The following TNFSF4 variants were observed in gnomAD, a reference collection of about 807,000 sequenced individuals.
TNFSF4 encodes the protein tumor necrosis factor ligand superfamily member 4.
Under a neutral mutation model 7.3 loss-of-function variants are expected in TNFSF4, and 4 were observed. That is an observed-to-expected ratio of 0.55 (90% CI 0.27 to 1.25). The LOEUF (loss-of-function observed/expected upper bound fraction) is 1.25, where lower values mean the gene tolerates loss of function less well. Ranked by LOEUF, TNFSF4 falls within the 50% of genes most tolerant of loss-of-function variation. The pLI, the probability that TNFSF4 is intolerant of heterozygous loss-of-function variation, is 0.12. For missense variants in TNFSF4, 181 were observed against 208.8 expected (o/e 0.87, Z 0.82); for synonymous variants, 76 against 83.7 (o/e 0.91, Z 0.50).
At chr1:173,180,011 C>T (rs1273799093), downstream of TNFSF4, among the ~76,000 whole-genome samples, 1 of 152,128 alleles carries the variant, frequency 6.6e-6, no homozygotes, top group Non-Finnish European at 1.5e-5. Flanking sequence ...AGAGACCTTG[C>T]CTCTTTCCAA....
intron 1 of TNFSF4, among the ~76,000 whole-genome samples, chr1:173,198,427 C>T (rs1378074915): frequency 6.6e-6 from 1 of 152,188 alleles, no homozygotes; most frequent in East Asian, 1.9e-4. Context: ...AGATCACTTT[C>T]AACACAATAG....
chr1:173,252,274 T>A, the TNFSF4 span, among the ~76,000 whole-genome samples: 2 of 152,132 alleles, frequency 1.3e-5, no homozygotes, highest in Admixed American at 1.3e-4. Flanking sequence ...AGAAAGTCTA[T>A]CTTACAAGGT....
the TNFSF4 span, among the ~76,000 whole-genome samples, chr1:173,396,279 G>A: frequency 8.5e-5 from 13 of 152,236 alleles, 1 homozygote; most frequent in Admixed American, 3.9e-4. Flanking sequence ...GGAGGCCGAT[G>A]TAGAAGGATC....
At chr1:173,258,847 C>T in the TNFSF4 span, among the ~76,000 whole-genome samples, 2 of 152,114 alleles carry the variant, frequency 1.3e-5, no homozygotes, top group East Asian at 1.9e-4. Flanking sequence ...GAGGACAGAA[C>T]TCTGACCTCC....
At chr1:173,203,890 C>T (rs1240969242) in intron 1 of TNFSF4, among the ~76,000 whole-genome samples, 1 of 152,162 alleles carries the variant, frequency 6.6e-6, no homozygotes, top group Non-Finnish European at 1.5e-5. Flanking sequence ...CCAGGTAAGA[C>T]TGGAAGCCTG....
At chr1:173,267,193 C>A in the TNFSF4 span, among the ~76,000 whole-genome samples, 2 of 152,140 alleles carry the variant, frequency 1.3e-5, no homozygotes, top group African/African-American at 4.8e-5. Flanking sequence ...TTGGGCTTAA[C>A]CTCCTTTAGC....
the TNFSF4 span, among the ~76,000 whole-genome samples, chr1:173,365,709 T>A: frequency 6.6e-6 from 1 of 152,218 alleles, no homozygotes; most frequent in Admixed American, 6.5e-5. Context: ...AATTTAATCA[T>A]CAAACAAGCT....
At chr1:173,255,531 A>G in the TNFSF4 span, among the ~76,000 whole-genome samples, 1 of 152,348 alleles carries the variant, frequency 6.6e-6, no homozygotes, top group Non-Finnish European at 1.5e-5. Flanking sequence ...AACAATCGTT[A>G]TAATGTGGGT....
chr1:173,173,952 C>A, the TNFSF4 span, among the ~76,000 whole-genome samples: 1 of 152,220 alleles, frequency 6.6e-6, no homozygotes, highest in African/African-American at 2.4e-5. Flanking sequence ...ATTCCTGCAG[C>A]CAGCTTGAAT....
chr1:173,265,508 A>C, the TNFSF4 span, among the ~76,000 whole-genome samples: 1 of 152,232 alleles, frequency 6.6e-6, no homozygotes, highest in Non-Finnish European at 1.5e-5. Context: ...TAAAACAGCA[A>C]ATGGAGAGCC....
the TNFSF4 span, among the ~76,000 whole-genome samples, chr1:173,423,358 T>G: frequency 6.6e-6 from 1 of 152,186 alleles, no homozygotes; most frequent in African/African-American, 2.4e-5. Flanking sequence ...TTCCACCTCT[T>G]TAATTAAAAC....
chr1:173,369,092 G>A, the TNFSF4 span, among the ~76,000 whole-genome samples: 1 of 152,116 alleles, frequency 6.6e-6, no homozygotes, highest in Admixed American at 6.5e-5. Context: ...TAGGATATGG[G>A]GAGCCTCAGA....
the TNFSF4 span, among the ~76,000 whole-genome samples, chr1:173,401,846 A>T: frequency 6.6e-6 from 1 of 152,222 alleles, no homozygotes; most frequent in Admixed American, 6.5e-5. Context: ...AAGGCTTGTC[A>T]TTAATAACAA....
chr1:173,328,961 T>C, the TNFSF4 span, among the ~76,000 whole-genome samples: 3 of 152,244 alleles, frequency 2.0e-5, no homozygotes, highest in African/African-American at 4.8e-5. Flanking sequence ...GAAATACTAT[T>C]GAAAATTGCC....
At chr1:173,254,294 C>T in the TNFSF4 span, among the ~76,000 whole-genome samples, 1,357 of 152,192 alleles carry the variant, frequency 8.9e-3, 9 homozygotes, top group Middle Eastern at 0.027. Flanking sequence ...ATATGAGTTC[C>T]CACTAGGCAA....
the TNFSF4 span, among the ~76,000 whole-genome samples, chr1:173,398,256 C>T: frequency 6.6e-6 from 1 of 152,134 alleles, no homozygotes; most frequent in Non-Finnish European, 1.5e-5. Flanking sequence ...CATTCTCTTT[C>T]ACAAGATATC....
At chr1:173,273,707 C>G in the TNFSF4 span, among the ~76,000 whole-genome samples, 1 of 151,982 alleles carries the variant, frequency 6.6e-6, no homozygotes, top group South Asian at 2.1e-4. Context: ...TAACTATGTA[C>G]ATAATCCTAG....
At chr1:173,307,795 A>G in the TNFSF4 span, among the ~76,000 whole-genome samples, 1 of 151,970 alleles carries the variant, frequency 6.6e-6, no homozygotes, top group East Asian at 1.9e-4. Context: ...ATATGACAAA[A>G]TAGTAACACT....
the TNFSF4 span, among the ~76,000 whole-genome samples, chr1:173,263,876 C>T: frequency 6.6e-6 from 1 of 152,204 alleles, no homozygotes. Context: ...GCCACTATTC[C>T]AGGCAACTGG....
Sources: gnomAD v4.1 joint callset for allele counts (sites outside exome capture counted in the v4.1 genomes callset) on GRCh38, gnomAD v4.1.1 for gene constraint, MANE v1.5 for transcripts, NCBI Gene and HGNC (gene_info 2026-07-23, HGNC 2026-07-21) for gene names.